SLC35D2: variants seen among roughly 807,000 people sequenced by gnomAD.
The protein encoded by SLC35D2 is solute carrier family 35 member D2, also known as nucleotide sugar transporter SLC35D2.
A neutral mutation model predicts 41.8 loss-of-function variants in SLC35D2; 43 were observed. That is an observed-to-expected ratio of 1.03 (90% CI 0.81 to 1.33). The LOEUF is 1.33. Ranked by LOEUF, SLC35D2 falls within the 40% of genes most tolerant of loss-of-function variation. The probability of loss-of-function intolerance (pLI) is 0.00; values close to 1 mark genes in which losing one functional copy is unlikely to be tolerated. For missense variants in SLC35D2, 380 were observed against 408.4 expected (o/e 0.93, Z 0.60); for synonymous variants, 150 against 163.9 (o/e 0.92, Z 0.65).
chr9:96,360,533 G>A (rs1053564095), intron 3 of SLC35D2, among the ~76,000 whole-genome samples: 4 of 145,024 alleles, frequency 2.8e-5, no homozygotes, highest in Non-Finnish European at 6.0e-5. Context: ...GGAGGCTGAG[G>A]CAGGAGAATC....
intron 7 of SLC35D2, 84 bp from the exon 8 acceptor site, chr9:96,344,080 T>G: frequency 1.3e-6 from 1 of 760,380 alleles, no homozygotes; most frequent in Non-Finnish European, 2.1e-6. Context: ...AACTGCATAT[T>G]CATGCGAAGT....
At chr9:96,349,732 G>A (rs1263295482) in intron 6 of SLC35D2, among the ~76,000 whole-genome samples, 3 of 152,078 alleles carry the variant, frequency 2.0e-5, no homozygotes, top group Non-Finnish European at 4.4e-5. Flanking sequence ...TGCCATGTTG[G>A]CCAGGCTGGT....
At chr9:96,368,763 T>TAC (rs1477958480) in intron 1 of SLC35D2, among the ~76,000 whole-genome samples, 6 of 150,842 alleles carry the variant, frequency 4.0e-5, no homozygotes, top group African/African-American at 1.5e-4. Context: ...CATATATATA[T>TAC]ATACACACAC....
intron 9 of SLC35D2, among the ~76,000 whole-genome samples, chr9:96,325,659 G>A (rs1400877830): frequency 2.0e-5 from 3 of 152,156 alleles, no homozygotes; most frequent in African/African-American, 7.2e-5. Context: ...GTGACAGGGC[G>A]AAACTCCATT....
intron 10 of SLC35D2, 57 bp from the exon 11 acceptor site, chr9:96,322,137 A>C: frequency 9.1e-7 from 1 of 1,103,344 alleles, no homozygotes; most frequent in South Asian, 1.3e-5. Flanking sequence ...AGGGGAAAAT[A>C]TAAATAGTAA....
intron 9 of SLC35D2, among the ~76,000 whole-genome samples, chr9:96,335,769 C>T (rs943789906): frequency 6.6e-6 from 1 of 152,146 alleles, no homozygotes; most frequent in Non-Finnish European, 1.5e-5. Context: ...ATTTCAAGAA[C>T]GGGGCCAGGC....
At chr9:96,368,737 TC>T (rs1201372786) in intron 1 of SLC35D2, among the ~76,000 whole-genome samples, 9 of 149,056 alleles carry the variant, frequency 6.0e-5, no homozygotes, top group African/African-American at 2.0e-4. Context: ...ATACTCCCTC[TC>T]TCTCTCTCTC....
chr9:96,350,343 TTTCC>T (rs1829759726), intron 6 of SLC35D2, among the ~76,000 whole-genome samples: 1 of 145,644 alleles, frequency 6.9e-6, no homozygotes, highest in African/African-American at 2.6e-5. Flanking sequence ...GCTAATTTTC[TTTCC>T]TTTTTTTTTT....
intron 9 of SLC35D2, among the ~76,000 whole-genome samples, chr9:96,326,734 A>T (rs1342629948): frequency 6.7e-6 from 1 of 149,934 alleles, no homozygotes; most frequent in East Asian, 2.0e-4. Context: ...TGAGCCTGAG[A>T]GGCGGAGGTT....
rs935456883 is a variant in SLC35D2 at position 96,341,513 on chromosome 9, G to A, written c.684+2391C>T. 3.3e-5 allele frequency among the ~76,000 whole-genome samples: 5 copies of A among 152,156 alleles called. No homozygotes were observed. The South Asian group carries it at 1.0e-3, about 31-fold the overall frequency. On this transcript the variant is annotated intron_variant, in intron 8 of 11. Transcript: ENST00000253270. ...TTAAGCACAATGCCCTAGATGCTTT[G>A]CCTATACGATAGAAATAGTAACAGG... is the stretch of plus-strand genomic sequence containing the variant.
chr9:96,342,936 T>C (rs570107578), intron 8 of SLC35D2, among the ~76,000 whole-genome samples: 8 of 152,268 alleles, frequency 5.3e-5, no homozygotes, highest in Non-Finnish European at 1.0e-4. Context: ...GTCCTGTCCA[T>C]GGGTAAATGG....
chr9:96,373,737 C>T (rs1256777089), intron 1 of SLC35D2, among the ~76,000 whole-genome samples: 3 of 151,892 alleles, frequency 2.0e-5, no homozygotes, highest in African/African-American at 4.8e-5. Context: ...CCTGAGCAGT[C>T]CCCAAGGAAA....
chr9:96,354,621 AG>A, intron 4 of SLC35D2, among the ~76,000 whole-genome samples: 1 of 152,032 alleles, frequency 6.6e-6, no homozygotes, highest in Non-Finnish European at 1.5e-5. Flanking sequence ...ACAAAAAATT[AG>A]CTGGACGTAG....
chr9:96,378,797 T>A (rs551951683), intron 1 of SLC35D2, among the ~76,000 whole-genome samples: 1 of 151,764 alleles, frequency 6.6e-6, no homozygotes, highest in Non-Finnish European at 1.5e-5. Flanking sequence ...GGAGTGGTGG[T>A]GCACACCTGT....
At position 96,321,815 on chromosome 9, in the gene SLC35D2, C is replaced by T. The variant is rs554761176; in HGVS notation, c.914+183G>A. Among the ~76,000 whole-genome samples the T allele has an allele frequency of 1.1e-3, 160 of 152,192 alleles. 1 individual carries two copies. Among genetic ancestry groups the T allele is most frequent in the African/African-American group, 3.7e-3 (155 of 41,512 alleles). On this transcript the variant is annotated intron_variant, in intron 11 of 11. Coordinates refer to ENST00000253270, the MANE Select transcript of SLC35D2 (RefSeq NM_007001.3). Reference sequence around the variant, plus strand: ...CCCGCAAACTGCCATCACACGTGTCCCCATGGATCTGCATGAGGATGAACC... The same window carrying T: ...CCCGCAAACTGCCATCACACGTGTCTCCATGGATCTGCATGAGGATGAACC...
At chr9:96,372,404 G>A (rs910347928) in intron 1 of SLC35D2, among the ~76,000 whole-genome samples, 2 of 151,982 alleles carry the variant, frequency 1.3e-5, no homozygotes, top group Non-Finnish European at 2.9e-5. Context: ...TGTATTGCAT[G>A]AGCCTTGATT....
intron 3 of SLC35D2, 146 bp downstream of exon 3, chr9:96,364,318 G>A (rs1830395513): frequency 3.7e-6 from 2 of 546,848 alleles, no homozygotes; most frequent in Non-Finnish European, 6.4e-6. Context: ...CTGGGCGACA[G>A]AGCGACAGTC....
At chr9:96,319,278 T>G (rs1315928512), downstream of SLC35D2, among the ~76,000 whole-genome samples, 1 of 152,176 alleles carries the variant, frequency 6.6e-6, no homozygotes, top group African/African-American at 2.4e-5. Context: ...TCTACTTATA[T>G]AAGGTATCTT....
intron 9 of SLC35D2, among the ~76,000 whole-genome samples, chr9:96,324,703 C>A (rs1391599406): frequency 6.6e-6 from 1 of 152,062 alleles, no homozygotes; most frequent in Non-Finnish European, 1.5e-5. Context: ...CAGGCTCATG[C>A]CGCCATACCC....
Sources: allele counts gnomAD v4.1 joint callset (sites outside exome capture counted in the v4.1 genomes callset), GRCh38; gene constraint gnomAD v4.1.1; transcripts MANE v1.5; gene names NCBI Gene and HGNC (gene_info 2026-07-23, HGNC 2026-07-21).